The following PHACTR2 variants were observed in gnomAD, a reference collection of about 807,000 sequenced individuals.
PHACTR2 encodes phosphatase and actin regulator 2, also known as chromosome 6 open reading frame 56.
PHACTR2 carries 30 observed loss-of-function variants against 76.0 expected under a neutral mutation model. That is an observed-to-expected ratio of 0.39 (90% CI 0.30 to 0.54). The LOEUF (loss-of-function observed/expected upper bound fraction) is 0.54, where lower values mean the gene tolerates loss of function less well. Among genes scored for constraint, PHACTR2 ranks in the 20% least tolerant of loss-of-function variants. PHACTR2 has a pLI of 0.61. For missense variants in PHACTR2, 696 were observed against 781.1 expected, an observed-to-expected ratio of 0.89 and a Z score of 1.30; for synonymous variants, 292 against 292.5, an observed-to-expected ratio of 1.00 and a Z score of 0.02.
intron 2 of PHACTR2, among the ~76,000 whole-genome samples, chr6:143,732,254 A>T (rs938098616): frequency 6.6e-6 from 1 of 152,090 alleles, no homozygotes; most frequent in Non-Finnish European, 1.5e-5. Context: ...CATTTCCATC[A>T]CTCTAGAAAG....
chr6:143,601,785 T>G (rs1269832050), intron 1 of PHACTR2, among the ~76,000 whole-genome samples: 1 of 152,236 alleles, frequency 6.6e-6, no homozygotes, highest in African/African-American at 2.4e-5. Context: ...TTCCCACGCT[T>G]TTTATGTATT....
chr6:143,587,195 A>G (rs1775639053), intron 1 of PHACTR2, among the ~76,000 whole-genome samples: 1 of 152,240 alleles, frequency 6.6e-6, no homozygotes, highest in Admixed American at 6.5e-5. Flanking sequence ...ATTTCTAAAC[A>G]GAACTAACAT....
At chr6:143,675,848 A>G (rs1777236898), upstream of PHACTR2, among the ~76,000 whole-genome samples, 1 of 152,214 alleles carries the variant, frequency 6.6e-6, no homozygotes, top group Non-Finnish European at 1.5e-5. This position sits in a 1 kb window ranked among gnomAD's most constrained non-coding sequence, Gnocchi z 4.9. Context: ...GAGTTCTAAT[A>G]AGGCAAGAGT....
At chr6:143,640,912 G>A (rs1010738656) in intron 1 of PHACTR2, among the ~76,000 whole-genome samples, 1 of 152,212 alleles carries the variant, frequency 6.6e-6, no homozygotes, top group African/African-American at 2.4e-5. Flanking sequence ...CCTTATGAGA[G>A]ACAGAAGAGG....
rs950115879 is a variant in PHACTR2, at chr6:143,764,019, G to T, written c.695-1242G>T. ...TATTTTATCATCATATATTTACTAA[G>T]ATGACATAAAGAAAAAAGTAGTTAA... On this transcript the variant is annotated intron_variant, in intron 5 of 12. Transcript: ENST00000440869. This position sits in a 1 kb window ranked among gnomAD's most constrained non-coding sequence, Gnocchi z 4.7. Among the ~76,000 whole-genome samples the T allele has an allele frequency of 3.3e-5, 5 of 152,214 alleles. No individual in the cohort carries two copies. The highest frequency in any genetic ancestry group is 1.2e-4 in the African/African-American group (5 of 41,452).
chr6:143,598,033 T>C lies in PHACTR2; in HGVS notation c.217+60826T>C, dbSNP rs1413389097. ...GAGAGGCAACTTTAGTTAAGGTGAC[T>C]TGATGCATGTAGTTTGTTAAGACAG... On this transcript the variant is annotated intron_variant, in intron 1 of 11. Coordinates refer to the PHACTR2 transcript ENST00000367584. This position sits in a 1 kb window ranked among gnomAD's most constrained non-coding sequence, Gnocchi z 4.1. Among the ~76,000 whole-genome samples the C allele has an allele frequency of 6.6e-6, 1 of 152,114 alleles. No individual in the cohort carries two copies.
In PHACTR2 at chr6:143,765,267, C is replaced by G. The variant is rs1267261383; in HGVS notation, c.701C>G (p.Ser234Cys). The change falls in exon 6 of 13, where the codon TCC (serine) becomes TGC (cysteine). Residue 234 changes from serine to cysteine, a missense_variant. Around this residue, in one of 2 missense-constraint regions of PHACTR2, gnomAD observed 460 missense variants for 450.9 expected, o/e 1.02. Coordinates refer to ENST00000440869, the MANE Select transcript of PHACTR2 (RefSeq NM_001100164.2). This position sits in a 1 kb window ranked among gnomAD's most constrained non-coding sequence, Gnocchi z 4.1. ...SRNTTREAAGSSHSKKTTGSK... is the reference protein window; with the variant it reads ...SRNTTREAAGCSHSKKTTGSK... Reference sequence around the variant, plus strand: ...CAAGGTCTCTCTATTGTAGCTGGCTCCTCTCATTCAAAAAAAACAACTGGC... The same window carrying G: ...CAAGGTCTCTCTATTGTAGCTGGCTGCTCTCATTCAAAAAAAACAACTGGC... 1 of 1,611,214 alleles carries G rather than the reference C, an allele frequency of 6.2e-7. No individual in the cohort carries two copies. The highest frequency in any genetic ancestry group is 8.5e-7 in the Non-Finnish European group (1 of 1,178,692).
In PHACTR2 at chr6:143,653,291, G is replaced by T. The variant is rs547299899; in HGVS notation, c.13+44969G>T. On this transcript the variant is annotated intron_variant, in intron 1 of 11. Transcript: ENST00000305766. The surrounding 1 kb of genome is among the most constrained non-coding windows in gnomAD (Gnocchi z 4.9). Reference sequence around the variant, plus strand: ...TTCATGACTTGGTTTTTCCACTCTTGTAAAATGAAGGCTGCTCTGACTCCT... The same window carrying T: ...TTCATGACTTGGTTTTTCCACTCTTTTAAAATGAAGGCTGCTCTGACTCCT... Among the ~76,000 whole-genome samples, 1 of 152,222 alleles carries T rather than the reference G, an allele frequency of 6.6e-6. No individual in the cohort carries two copies. Among genetic ancestry groups the T allele is most frequent in the East Asian group, 1.9e-4 (1 of 5,184 alleles).
rs541866166 is a variant in PHACTR2 at position 143,739,207 on chromosome 6, G to A, written c.215-9778G>A. On this transcript the variant is annotated intron_variant, in intron 2 of 12. Transcript: ENST00000440869. This position sits in a 1 kb window ranked among gnomAD's most constrained non-coding sequence, Gnocchi z 4.3. ...AGCCTCCCAAGTAGCTGGGACTATAGGCGTGCACCACCACGCCCATCTAAT... is the reference window on the plus strand; with the variant it reads ...AGCCTCCCAAGTAGCTGGGACTATAAGCGTGCACCACCACGCCCATCTAAT... Among the ~76,000 whole-genome samples, 1 of 152,210 alleles carries A rather than the reference G, an allele frequency of 6.6e-6. No homozygotes were observed. The highest frequency in any genetic ancestry group is 6.5e-5 in the Admixed American group (1 of 15,300).
rs1416867249 is a variant in PHACTR2 at position 143,816,171 on chromosome 6, A to T, written c.1923-7503A>T. 6.6e-6 allele frequency among the ~76,000 whole-genome samples: 1 copy of T among 152,180 alleles called. No individual in the cohort carries two copies. Among genetic ancestry groups the T allele is most frequent in the Admixed American group, 6.5e-5 (1 of 15,278 alleles). ...CTTCAGTATCCTTAGGGCACAGTAA[A>T]TCTATTTATTCCTCCACCAACTTGA... On this transcript the variant is annotated intron_variant, in intron 12 of 12. Transcript: ENST00000440869. This position sits in a 1 kb window ranked among gnomAD's most constrained non-coding sequence, Gnocchi z 4.5.
At chr6:143,736,942 A>G (rs1005559480) in intron 2 of PHACTR2, among the ~76,000 whole-genome samples, 4 of 151,790 alleles carry the variant, frequency 2.6e-5, no homozygotes, top group African/African-American at 9.7e-5. Context: ...TCACATGTGG[A>G]AATAAAGGCT....
intron 1 of PHACTR2, among the ~76,000 whole-genome samples, chr6:143,692,290 T>A (rs1182387616): frequency 6.6e-6 from 1 of 152,190 alleles, no homozygotes; most frequent in Non-Finnish European, 1.5e-5. Flanking sequence ...AAATTTCTTC[T>A]GCATCTGTAA....
In PHACTR2 at chr6:143,537,186, C is replaced by T. The variant is rs1226385100; in HGVS notation, c.196C>T (p.Arg66Trp). 1 of 296,560 alleles carries T rather than the reference C, an allele frequency of 3.4e-6. No homozygotes were observed. The highest frequency in any genetic ancestry group is 6.6e-6 in the Non-Finnish European group (1 of 152,614). 18.4% of individuals were successfully genotyped at this position (296,560 alleles called of 1,614,324 possible). Residue 66 changes from arginine to tryptophan, a missense_variant, in exon 1 of 12, where the codon CGG becomes TGG. Coordinates refer to the PHACTR2 transcript ENST00000367584. The surrounding 1 kb of genome is among the most constrained non-coding windows in gnomAD (Gnocchi z 4.4). ...GTCCTCGAGCAGGGGCCGCCCGCTC[C>T]GGGTCCACATCTCCGGCTCAGGTAA...
chr6:143,540,871 A>G (rs1055935191), intron 1 of PHACTR2, among the ~76,000 whole-genome samples: 2 of 152,246 alleles, frequency 1.3e-5, no homozygotes, highest in Non-Finnish European at 2.9e-5. Context: ...ATTTTGCCAT[A>G]TGGTTTTTGA....
chr6:143,608,884 T>G lies in PHACTR2; in HGVS notation c.13+562T>G, dbSNP rs1775932870. On this transcript the variant is annotated intron_variant, in intron 1 of 11. Coordinates refer to the PHACTR2 transcript ENST00000305766. This position sits in a 1 kb window ranked among gnomAD's most constrained non-coding sequence, Gnocchi z 4.6. ...AAAATGTACTTATTTTTAGTATCTT[T>G]ACTTGATAACTAGACAAACAGATGA... is the stretch of plus-strand genomic sequence containing the variant. Among the ~76,000 whole-genome samples the G allele has an allele frequency of 6.6e-6, 1 of 152,238 alleles. No individual in the cohort carries two copies. The highest frequency in any genetic ancestry group is 2.4e-5 in the African/African-American group (1 of 41,468).
At chr6:143,626,981 G>A (rs1235830246) in intron 1 of PHACTR2, among the ~76,000 whole-genome samples, 1 of 152,224 alleles carries the variant, frequency 6.6e-6, no homozygotes, top group Admixed American at 6.5e-5. Context: ...ACGTTAGGTT[G>A]ATTATTAGTG....
rs1187050268 is a variant in PHACTR2, at chr6:143,765,216, G to A, written c.695-45G>A. 2.7e-6 allele frequency: 4 copies of A among 1,458,528 alleles called. No homozygotes were observed. Among genetic ancestry groups the A allele is most frequent in the African/African-American group, 1.4e-5 (1 of 70,582 alleles). 90.3% of individuals were successfully genotyped at this position (1,458,528 alleles called of 1,614,324 possible). A position where few individuals can be genotyped will look rare whatever the true frequency, so the allele number is the denominator to read the frequency against. ...CACCTTGGTTACTTTATTTTAAAAA[G>A]CATTGTATTCTTTGATTTTTTAATG... On this transcript the variant is annotated intron_variant, in intron 5 of 12. Transcript: ENST00000440869. The surrounding 1 kb of genome is among the most constrained non-coding windows in gnomAD (Gnocchi z 4.1).
chr6:143,765,319 T>C lies in PHACTR2; in HGVS notation c.753T>C (p.Thr251=). The part of the protein sequence containing the change: ...TGSKASASPS[T]SSTSSRPKAS... ...CTAAAGCATCAGCTTCGCCATCCAC[T>C]TCATCCACCTCATCTCGTCCCAAAG... Residue 251 remains threonine, a synonymous_variant, in exon 6 of 13, where the codon ACT becomes ACC. Transcript: ENST00000440869. This position sits in a 1 kb window ranked among gnomAD's most constrained non-coding sequence, Gnocchi z 4.1. 6.2e-7 allele frequency: 1 copy of C among 1,614,162 alleles called. No homozygotes were observed. Among genetic ancestry groups the C allele is most frequent in the Non-Finnish European group, 8.5e-7 (1 of 1,180,020 alleles).
chr6:143,649,117 C>G (rs1296301897), intron 1 of PHACTR2, among the ~76,000 whole-genome samples: 1 of 152,070 alleles, frequency 6.6e-6, no homozygotes, highest in Non-Finnish European at 1.5e-5. Context: ...TCTGTATGAC[C>G]TGTGCTTGAC....
Sources: allele counts gnomAD v4.1 joint callset (sites outside exome capture counted in the v4.1 genomes callset), GRCh38; gene constraint gnomAD v4.1.1; regional missense constraint gnomAD v4.1.1; non-coding constraint Gnocchi (gnomAD v3.1); transcripts MANE v1.5; gene names NCBI Gene and HGNC (gene_info 2026-07-23, HGNC 2026-07-21).